ZNF462: variants seen among roughly 807,000 people sequenced by gnomAD.
The protein encoded by ZNF462 is zinc finger protein 462, also known as zinc finger PBX1-interacting protein.
Under a neutral mutation model 201.9 loss-of-function variants are expected in ZNF462, and 10 were observed. The observed-to-expected ratio is 0.05, with a 90% CI of 0.03 to 0.08. The LOEUF (loss-of-function observed/expected upper bound fraction) is 0.08. Ranked by LOEUF, ZNF462 falls within the 10% of genes least tolerant of loss-of-function variation. The pLI, the probability that ZNF462 is intolerant of heterozygous loss-of-function variation, is 1.00. For missense variants in ZNF462, 2,523 were observed against 3,168.3 expected (o/e 0.80, Z 4.89); for synonymous variants, 1,227 against 1,193.3 (o/e 1.03, Z -0.58).
chr9:107,003,320 A>T lies in ZNF462; in HGVS notation c.7083A>T (p.Gly2361=), dbSNP rs1377246939. Residue 2361 remains glycine (G), a synonymous_variant, in exon 11 of 13, where the codon GGA becomes GGT. Coordinates refer to ENST00000277225, the MANE Select transcript of ZNF462 (RefSeq NM_021224.6). The surrounding 1 kb of genome is among the most constrained non-coding windows in gnomAD (Gnocchi z 4.4). ...HKVSRNFELV[G]RVNLDQLEQM... ...TAAGCCGTAACTTTGAGCTGGTTGG[A>T]CGGGTTAACTTGGATCAGCTGGAAC... 1 of 1,613,638 alleles carries T rather than the reference A, an allele frequency of 6.2e-7. No individual in the cohort carries two copies. Among genetic ancestry groups the T allele is most frequent in the Non-Finnish European group, 8.5e-7 (1 of 1,179,802 alleles).
In ZNF462 at chr9:106,954,035, A is replaced by T. The variant is rs911687556; in HGVS notation, c.6427+14928A>T. The stretch of plus-strand genomic sequence containing the variant: ...AGCCATTAATTACCATGTTTATCCC[A>T]CCTGCAAAGTCCTCCATTCATTCTA... On this transcript the variant is annotated intron_variant, in intron 7 of 12. Transcript: ENST00000277225. This position sits in a 1 kb window ranked among gnomAD's most constrained non-coding sequence, Gnocchi z 4.0. 3.3e-5 allele frequency among the ~76,000 whole-genome samples: 5 copies of T among 151,984 alleles called. No homozygotes were observed. Among genetic ancestry groups the T allele is most frequent in the African/African-American group, 1.2e-4 (5 of 41,358 alleles).
At chr9:106,959,749 C>CA (rs1490282147) in intron 7 of ZNF462, among the ~76,000 whole-genome samples, 1 of 151,946 alleles carries the variant, frequency 6.6e-6, no homozygotes, top group East Asian at 1.9e-4. Context: ...AGAGACTTTA[C>CA]AAAAAACATC....
At position 106,962,417 on chromosome 9, in the gene ZNF462, C is replaced by T. The variant is rs983186569; in HGVS notation, c.6428-9588C>T. Among the ~76,000 whole-genome samples the T allele has an allele frequency of 1.3e-5, 2 of 151,980 alleles. No homozygotes were observed. Among genetic ancestry groups the T allele is most frequent in the African/African-American group, 2.4e-5 (1 of 41,390 alleles). On this transcript the variant is annotated intron_variant, in intron 7 of 12. Transcript: ENST00000277225. The surrounding 1 kb of genome is among the most constrained non-coding windows in gnomAD (Gnocchi z 4.6). ...ACAAATGAATATGTTCCCAAGTATACGATCTAGTGAATTGAAAAGTCCAGG... is the reference window on the plus strand; with the variant it reads ...ACAAATGAATATGTTCCCAAGTATATGATCTAGTGAATTGAAAAGTCCAGG...
intron 1 of ZNF462, among the ~76,000 whole-genome samples, chr9:106,918,204 G>A (rs1011472180): frequency 3.3e-5 from 5 of 152,112 alleles, no homozygotes; most frequent in African/African-American, 1.2e-4. Flanking sequence ...ACTATAACAT[G>A]GAGATAGTAC....
chr9:106,931,490 A>G (rs887657697), intron 4 of ZNF462, among the ~76,000 whole-genome samples: 2 of 152,176 alleles, frequency 1.3e-5, no homozygotes, highest in African/African-American at 2.4e-5. Flanking sequence ...TATTTTGCCA[A>G]TTTAACATGA....
At position 107,011,031 on chromosome 9, in the gene ZNF462, G is replaced by A. The variant is rs1327811555; in HGVS notation, c.*1G>A. 1 of 1,612,598 alleles carries A rather than the reference G, an allele frequency of 6.2e-7. No individual in the cohort carries two copies. Among genetic ancestry groups the A allele is most frequent in the Non-Finnish European group, 8.5e-7 (1 of 1,179,726 alleles). Reference sequence around the variant, plus strand: ...GAATGCAGAGGCCAAAAAAGAATGAGCGTTTGGTGAAATTCTTAATCAAAC... The same window carrying A: ...GAATGCAGAGGCCAAAAAAGAATGAACGTTTGGTGAAATTCTTAATCAAAC... On this transcript the variant is annotated 3_prime_UTR_variant, in exon 13 of 13. Coordinates refer to ENST00000277225, the MANE Select transcript of ZNF462 (RefSeq NM_021224.6). The surrounding 1 kb of genome is among the most constrained non-coding windows in gnomAD (Gnocchi z 5.6).
rs1408679098 is a variant in ZNF462 at position 107,005,095 on chromosome 9, T to A, written c.7189+1669T>A. 6.6e-6 allele frequency among the ~76,000 whole-genome samples: 1 copy of A among 152,216 alleles called. No homozygotes were observed. Among genetic ancestry groups the A allele is most frequent in the Non-Finnish European group, 1.5e-5 (1 of 68,044 alleles). On this transcript the variant is annotated intron_variant, in intron 11 of 12. Coordinates refer to ENST00000277225, the MANE Select transcript of ZNF462 (RefSeq NM_021224.6). The surrounding 1 kb of genome is among the most constrained non-coding windows in gnomAD (Gnocchi z 4.4). Reference sequence around the variant, plus strand: ...TATTTCATGTGTGTATATACCACATTTTCTTTATCCATTCATTTATTGATG... The same window carrying A: ...TATTTCATGTGTGTATATACCACATATTCTTTATCCATTCATTTATTGATG...
chr9:106,924,569 G>A lies in ZNF462; in HGVS notation c.657G>A (p.Leu219=). Residue 219 remains leucine (L), a synonymous_variant, in exon 3 of 13, where the codon CTG becomes CTA. Coordinates refer to ENST00000277225, the MANE Select transcript of ZNF462 (RefSeq NM_021224.6). The surrounding 1 kb of genome is among the most constrained non-coding windows in gnomAD (Gnocchi z 6.2). ...PVSLQDPCKE[L]PAEVVERSIL... is the part of the protein sequence containing the mutation. ...CACTGCAGGACCCCTGCAAGGAACT[G>A]CCAGCAGAGGTTGTGGAGCGCAGCA... is the stretch of plus-strand genomic sequence containing the variant. 1 of 1,614,190 alleles carries A rather than the reference G, an allele frequency of 6.2e-7. No individual in the cohort carries two copies. The highest frequency in any genetic ancestry group is 8.5e-7 in the Non-Finnish European group (1 of 1,180,040).
chr9:106,968,440 A>G lies in ZNF462; in HGVS notation c.6428-3565A>G, dbSNP rs1832179615. ...ATAACTTAATTAAATTTATTTTATA[A>G]CTACAATTATACATTATAATTTCAT... On this transcript the variant is annotated intron_variant, in intron 7 of 12. Transcript: ENST00000277225. This position sits in a 1 kb window ranked among gnomAD's most constrained non-coding sequence, Gnocchi z 4.0. Among the ~76,000 whole-genome samples, 1 of 152,226 alleles carries G rather than the reference A, an allele frequency of 6.6e-6. No homozygotes were observed. Among genetic ancestry groups the G allele is most frequent in the African/African-American group, 2.4e-5 (1 of 41,466 alleles).
intron 7 of ZNF462, among the ~76,000 whole-genome samples, chr9:106,942,259 G>C (rs902258327): frequency 6.6e-6 from 1 of 152,192 alleles, no homozygotes; most frequent in African/African-American, 2.4e-5. Context: ...GAAACAGCCT[G>C]AAAAGGGAGG....
In ZNF462 at chr9:106,870,933, G is replaced by A. The variant is rs926665506; in HGVS notation, c.-31+7578G>A. ...CTTTTTCCTGTTCAGATTTAAGAAG[G>A]TAATGCCATTATTCTTCAGTTTTGC... is the stretch of plus-strand genomic sequence containing the variant. On this transcript the variant is annotated intron_variant, in intron 1 of 12. Coordinates refer to ENST00000277225, the MANE Select transcript of ZNF462 (RefSeq NM_021224.6). This position sits in a 1 kb window ranked among gnomAD's most constrained non-coding sequence, Gnocchi z 4.3. Among the ~76,000 whole-genome samples, 4 of 152,124 alleles carry A rather than the reference G, an allele frequency of 2.6e-5. No individual in the cohort carries two copies. The highest frequency in any genetic ancestry group is 7.2e-5 in the African/African-American group (3 of 41,422).
chr9:106,927,574 C>G lies in ZNF462; in HGVS notation c.3662C>G (p.Ala1221Gly). The change falls in exon 3 of 13, where the codon GCC (alanine) becomes GGC (glycine). Residue 1221 changes from alanine to glycine, a missense_variant. This residue lies in a region of ZNF462 where 222 missense variants were observed against 271.6 expected (regional missense o/e 0.82). Coordinates refer to ENST00000277225, the MANE Select transcript of ZNF462 (RefSeq NM_021224.6). ...CAGAAGAAGCACCGAGACTTCAAGG[C>G]CAATGCAGATGTGATCCGGCAGCAT... ...HYQKKHRDFK[A>G]NADVIRQHTA... 6.2e-7 allele frequency: 1 copy of G among 1,613,886 alleles called. No homozygotes were observed. The highest frequency in any genetic ancestry group is 1.7e-5 in the Admixed American group (1 of 59,990).
intron 7 of ZNF462, among the ~76,000 whole-genome samples, chr9:106,943,492 C>T (rs1279225860): frequency 1.3e-5 from 2 of 152,088 alleles, no homozygotes; most frequent in Non-Finnish European, 2.9e-5. Flanking sequence ...TACTTACTAC[C>T]CTAAGCATTT....
rs1010902045 is a variant in ZNF462 at position 106,870,952 on chromosome 9, G to T, written c.-31+7597G>T. ...AAGAAGGTAATGCCATTATTCTTCA[G>T]TTTTGCTCATGTCAGCTGAGTGTTT... On this transcript the variant is annotated intron_variant, in intron 1 of 12. Transcript: ENST00000277225. The surrounding 1 kb of genome is among the most constrained non-coding windows in gnomAD (Gnocchi z 4.3). Among the ~76,000 whole-genome samples the T allele has an allele frequency of 6.6e-6, 1 of 152,128 alleles. No homozygotes were observed. The highest frequency in any genetic ancestry group is 1.5e-5 in the Non-Finnish European group (1 of 68,018).
Position 106,924,787 on chromosome 9 carries a change from G to C in ZNF462, c.875G>C (p.Ser292Thr). Reference sequence around the variant, plus strand: ...AATCTACCTGATGTGCCGAACAAGAGTGCCCCCAGCCCCACTTCCAACTCC... The same window carrying C: ...AATCTACCTGATGTGCCGAACAAGACTGCCCCCAGCCCCACTTCCAACTCC... ...GTNLPDVPNK[S>T]APSPTSNSTY... Residue 292 changes from serine (S) to threonine (T), a missense_variant, in exon 3 of 13, where the codon AGT becomes ACT. By Grantham distance (58) the Ser-to-Thr change is moderately conservative. This residue lies in a region of ZNF462 where 480 missense variants were observed against 544.4 expected (regional missense o/e 0.88). Transcript: ENST00000277225. The surrounding 1 kb of genome is among the most constrained non-coding windows in gnomAD (Gnocchi z 6.2). 1 of 1,614,160 alleles carries C rather than the reference G, an allele frequency of 6.2e-7. No individual in the cohort carries two copies. Among genetic ancestry groups the C allele is most frequent in the South Asian group, 1.1e-5 (1 of 91,080 alleles).
At position 106,923,314 on chromosome 9, in the gene ZNF462, G is replaced by C; in HGVS notation, c.-30-40G>C. 1.4e-6 allele frequency: 2 copies of C among 1,476,792 alleles called. No individual in the cohort carries two copies. The highest frequency in any genetic ancestry group is 1.1e-5 in the South Asian group (1 of 88,078). 91.5% of individuals were successfully genotyped at this position (1,476,792 alleles called of 1,614,324 possible). On this transcript the variant is annotated intron_variant, in intron 1 of 12. Transcript: ENST00000277225. This position sits in a 1 kb window ranked among gnomAD's most constrained non-coding sequence, Gnocchi z 5.6. Reference sequence around the variant, plus strand: ...CCCATCAGCTCGAGGTATGTGATTAGTGCATTCCTTAAGATGTTTTGTTCT... The same window carrying C: ...CCCATCAGCTCGAGGTATGTGATTACTGCATTCCTTAAGATGTTTTGTTCT...
At chr9:106,918,327 A>T (rs558982207) in intron 1 of ZNF462, among the ~76,000 whole-genome samples, 1 of 152,324 alleles carries the variant, frequency 6.6e-6, no homozygotes, top group Non-Finnish European at 1.5e-5. Flanking sequence ...AATTAATTAC[A>T]TATATCTGTA....
At chr9:106,911,226 A>G (rs1829536792) in intron 1 of ZNF462, among the ~76,000 whole-genome samples, 1 of 152,242 alleles carries the variant, frequency 6.6e-6, no homozygotes, top group African/African-American at 2.4e-5. Context: ...TCTGCAACTT[A>G]GTATTTTCTC....
At chr9:106,951,918 T>A (rs1564128204) in intron 7 of ZNF462, among the ~76,000 whole-genome samples, 1 of 152,008 alleles carries the variant, frequency 6.6e-6, no homozygotes, top group Non-Finnish European at 1.5e-5. Flanking sequence ...TGTGACTCTT[T>A]CGGTGTATTG....
Sources: gnomAD v4.1 joint callset for allele counts (sites outside exome capture counted in the v4.1 genomes callset) on GRCh38, gnomAD v4.1.1 for gene constraint, gnomAD v4.1.1 regional missense constraint, Gnocchi (gnomAD v3.1) non-coding constraint, MANE v1.5 for transcripts, NCBI Gene and HGNC (gene_info 2026-07-23, HGNC 2026-07-21) for gene names.